TMEM87B: variants seen among roughly 807,000 people sequenced by gnomAD.
The protein encoded by TMEM87B is transmembrane protein 87B.
In TMEM87B, 83 loss-of-function variants were observed where a neutral mutation model predicts 80.3. That is an observed-to-expected ratio of 1.03 (90% CI 0.87 to 1.24). The LOEUF (loss-of-function observed/expected upper bound fraction) is 1.24. Ranked by LOEUF, TMEM87B falls within the 50% of genes most tolerant of loss-of-function variation. The pLI is 0.00. For synonymous variants in TMEM87B, 219 were observed against 230.5 expected (o/e 0.95, Z 0.45); for missense variants, 625 against 674.4 (o/e 0.93, Z 0.81).
chr2:112,106,606 T>C (rs1679775534), intron 16 of TMEM87B, among the ~76,000 whole-genome samples: 2 of 152,148 alleles, frequency 1.3e-5, no homozygotes, highest in Admixed American at 1.3e-4. Context: ...TGAATAAAAT[T>C]GTAAAACATT....
At chr2:112,096,593 A>T (rs1679475735) in intron 11 of TMEM87B, among the ~76,000 whole-genome samples, 1 of 152,246 alleles carries the variant, frequency 6.6e-6, no homozygotes, top group Non-Finnish European at 1.5e-5. Context: ...AGATGACCTA[A>T]CCTCTTAATT....
chr2:112,098,508 G>A lies in TMEM87B; in HGVS notation c.1273-87G>A, dbSNP rs562189433. ...CTTACTGGTTGGAAAGATTTCATTA[G>A]TACTTGTCATTGTACATTATTTGAA... is the stretch of plus-strand genomic sequence containing the variant. On this transcript the variant is annotated intron_variant, in intron 13 of 18. Coordinates refer to ENST00000283206, the MANE Select transcript of TMEM87B (RefSeq NM_032824.3). 26 of 1,214,308 alleles carry A rather than the reference G, an allele frequency of 2.1e-5. No homozygotes were observed. In the African/African-American group the frequency reaches 3.9e-4, roughly 18 times the overall value. The allele number at this position is 1,214,308 out of a possible 1,614,324, so 75.2% of individuals were successfully genotyped here.
chr2:112,074,771 G>A lies in TMEM87B; in HGVS notation c.451-141G>A, dbSNP rs1678758371. 2.0e-5 allele frequency: 22 copies of A among 1,089,926 alleles called. 1 individual carries two copies. The South Asian group carries it at 3.8e-4, about 19-fold the overall frequency. 67.5% of individuals were successfully genotyped at this position (1,089,926 alleles called of 1,614,324 possible). On this transcript the variant is annotated intron_variant, in intron 4 of 18. Transcript: ENST00000283206. ...AAGCAGAACTTTGTTACTTGTGTTT[G>A]GGATACAGTGAGATTTGTTCTTTGA... is the stretch of plus-strand genomic sequence containing the variant.
At chr2:112,088,666 A>G (rs905175110) in intron 9 of TMEM87B, among the ~76,000 whole-genome samples, 4 of 152,122 alleles carry the variant, frequency 2.6e-5, no homozygotes, top group African/African-American at 9.7e-5. Context: ...ATATCATGAA[A>G]TTATTCTATT....
At chr2:112,091,197 G>A (rs977744190) in intron 10 of TMEM87B, among the ~76,000 whole-genome samples, 7 of 150,482 alleles carry the variant, frequency 4.7e-5, no homozygotes, top group Admixed American at 1.3e-4. Context: ...CTGAGATTGC[G>A]CCATTGCACT....
chr2:112,084,183 GT>G (rs1361112718), intron 8 of TMEM87B, among the ~76,000 whole-genome samples: 2 of 152,094 alleles, frequency 1.3e-5, no homozygotes, highest in African/African-American at 2.4e-5. Flanking sequence ...TACCAGAAAC[GT>G]TGTAGTCACA....
chr2:112,079,008 CAT>C (rs1466817352), intron 6 of TMEM87B, among the ~76,000 whole-genome samples: 3 of 152,112 alleles, frequency 2.0e-5, no homozygotes, highest in Admixed American at 6.5e-5. Context: ...TTACATATGA[CAT>C]AAATGTATGG....
chr2:112,063,538 T>C (rs1484763458), intron 2 of TMEM87B, among the ~76,000 whole-genome samples: 1 of 152,208 alleles, frequency 6.6e-6, no homozygotes, highest in African/African-American at 2.4e-5. Flanking sequence ...TGCTGTGCTT[T>C]CACTCACCCT....
At chr2:112,089,567 G>T in intron 9 of TMEM87B, 58 bp from the exon 10 acceptor site, 1 of 1,470,680 alleles carries the variant, frequency 6.8e-7, no homozygotes, top group Non-Finnish European at 9.5e-7. Context: ...CTGTATTCAG[G>T]TGCATTTTAC....
chr2:112,079,052 A>G (rs907626992), intron 6 of TMEM87B, among the ~76,000 whole-genome samples: 1 of 152,238 alleles, frequency 6.6e-6, no homozygotes, highest in Admixed American at 6.5e-5. Flanking sequence ...CTATAAATAC[A>G]GTGTGGAATA....
intron 8 of TMEM87B, among the ~76,000 whole-genome samples, 181 bp from the exon 9 acceptor site, chr2:112,085,824 C>T (rs1232050802): frequency 2.0e-5 from 3 of 152,136 alleles, no homozygotes; most frequent in East Asian, 1.9e-4. Context: ...ATTCTTGAGG[C>T]GAGTATGAAT....
intron 11 of TMEM87B, among the ~76,000 whole-genome samples, chr2:112,094,161 CTTTT>C (rs755031584): frequency 7.8e-6 from 1 of 128,756 alleles, no homozygotes; most frequent in African/African-American, 2.8e-5. Context: ...ATTTCTTGTT[CTTTT>C]TTTTTTTTTT....
chr2:112,081,377 C>T lies in TMEM87B; in HGVS notation c.697C>T (p.Leu233Phe). 6.2e-7 allele frequency: 1 copy of T among 1,613,134 alleles called. No individual in the cohort carries two copies. The highest frequency in any genetic ancestry group is 8.5e-7 in the Non-Finnish European group (1 of 1,179,724). ...MCIVYILYGI[L>F]WLTWSACYWK... is the part of the protein sequence containing the mutation. ...TATTGTTTATATATTATATGGCATA[C>T]TCTGGCTGACGTGGTCTGCCTGTTA... is the stretch of plus-strand genomic sequence containing the variant. The change falls in exon 8 of 19, where the codon CTC becomes TTC. Residue 233 changes from leucine (L) to phenylalanine (F), a missense_variant. Transcript: ENST00000283206.
intron 4 of TMEM87B, among the ~76,000 whole-genome samples, chr2:112,069,813 T>C (rs1027857818): frequency 6.6e-5 from 10 of 152,218 alleles, no homozygotes; most frequent in Admixed American, 6.5e-5. Context: ...TTCCCTTTTC[T>C]CCACAACCTT....
intron 15 of TMEM87B, among the ~76,000 whole-genome samples, chr2:112,102,934 G>A (rs1372452124): frequency 6.6e-6 from 1 of 152,154 alleles, no homozygotes; most frequent in African/African-American, 2.4e-5. Flanking sequence ...TGCATTGTAT[G>A]GGAGGTCCTA....
At chr2:112,060,679 G>GTCCCT (rs1678229435) in intron 2 of TMEM87B, among the ~76,000 whole-genome samples, 1 of 151,854 alleles carries the variant, frequency 6.6e-6, no homozygotes, top group Non-Finnish European at 1.5e-5. Context: ...TGAGATTACA[G>GTCCCT]GCGAACGCCA....
intron 9 of TMEM87B, 131 bp downstream of exon 9, chr2:112,086,235 C>T (rs1573707555): frequency 3.3e-6 from 2 of 600,978 alleles, no homozygotes; most frequent in East Asian, 6.4e-5. Flanking sequence ...TCTACAAGAA[C>T]ACATTTTTAA....
chr2:112,077,124 A>G (rs2104471143), intron 5 of TMEM87B, 68 bp from the exon 6 acceptor site: 1 of 682,878 alleles, frequency 1.5e-6, no homozygotes, highest in South Asian at 2.7e-5. Flanking sequence ...TATGGCAAAC[A>G]GTTGTTCAGC....
chr2:112,081,168 C>T, intron 7 of TMEM87B, 50 bp downstream of exon 7: 1 of 1,556,650 alleles, frequency 6.4e-7, no homozygotes, highest in Non-Finnish European at 8.8e-7. Flanking sequence ...ATTTTATACC[C>T]TAAGAGCTTT....
Sources: gnomAD v4.1 joint callset for allele counts (sites outside exome capture counted in the v4.1 genomes callset) on GRCh38, gnomAD v4.1.1 for gene constraint, MANE v1.5 for transcripts, NCBI Gene and HGNC (gene_info 2026-07-23, HGNC 2026-07-21) for gene names.